Variants in ERBB4 observed in about 807,000 individuals in gnomAD.
The protein encoded by ERBB4 is erb-b2 receptor tyrosine kinase 4, also known as receptor tyrosine-protein kinase erbB-4.
ERBB4 carries 42 observed loss-of-function variants against 158.0 expected under a neutral mutation model. The ratio of observed to expected loss-of-function variants is 0.27; its 90% CI spans 0.21 to 0.34. The LOEUF (loss-of-function observed/expected upper bound fraction) is 0.34. Ranked by LOEUF, ERBB4 falls within the 10% of genes least tolerant of loss-of-function variation. The pLI is 1.00. For missense variants in ERBB4, 1,333 were observed against 1,624.1 expected, an observed-to-expected ratio of 0.82 and a Z score of 3.08; for synonymous variants, 583 against 558.7, an observed-to-expected ratio of 1.04 and a Z score of -0.61.
chr2:211,696,368 C>T (rs2106013732), intron 12 of ERBB4, among the ~76,000 whole-genome samples: 1 of 152,126 alleles, frequency 6.6e-6, no homozygotes, highest in Admixed American at 6.5e-5. Flanking sequence ...ACCTCGGCCT[C>T]CCAAAGTGCT....
intron 1 of ERBB4, among the ~76,000 whole-genome samples, chr2:212,161,016 T>A (rs929577518): frequency 6.6e-6 from 1 of 151,984 alleles, no homozygotes; most frequent in Non-Finnish European, 1.5e-5. Flanking sequence ...AAAATATGCA[T>A]CACTGAAAAG....
intron 1 of ERBB4, among the ~76,000 whole-genome samples, chr2:212,406,380 G>C (rs1441667180): frequency 6.6e-6 from 1 of 152,118 alleles, no homozygotes; most frequent in Non-Finnish European, 1.5e-5. Flanking sequence ...TATGACCACA[G>C]ATCTAGAACT....
At chr2:211,941,643 C>T (rs1357918674) in intron 3 of ERBB4, among the ~76,000 whole-genome samples, 1 of 151,540 alleles carries the variant, frequency 6.6e-6, no homozygotes, top group Non-Finnish European at 1.5e-5. Flanking sequence ...AAAGGCCAGC[C>T]TCAGGCTTCT....
At chr2:211,665,613 C>T (rs2071602322) in intron 14 of ERBB4, 136 bp from the exon 15 acceptor site, 4 of 815,082 alleles carry the variant, frequency 4.9e-6, no homozygotes, top group Non-Finnish European at 6.1e-6. Context: ...ACATTTTCAG[C>T]AGTGCAAATG....
intron 1 of ERBB4, among the ~76,000 whole-genome samples, chr2:212,288,967 G>C (rs2086105886): frequency 6.6e-6 from 1 of 152,112 alleles, no homozygotes; most frequent in African/African-American, 2.4e-5. Flanking sequence ...GAAGAGGATA[G>C]AGAGTGTGAA....
intron 3 of ERBB4, among the ~76,000 whole-genome samples, chr2:211,883,514 A>T (rs2078717526): frequency 6.6e-6 from 1 of 152,202 alleles, no homozygotes; most frequent in African/African-American, 2.4e-5. Flanking sequence ...ACGGTGGCTC[A>T]CACCTGTAAT....
intron 1 of ERBB4, among the ~76,000 whole-genome samples, chr2:212,408,580 C>T (rs930593947): frequency 1.3e-5 from 2 of 152,042 alleles, no homozygotes; most frequent in African/African-American, 4.8e-5. Flanking sequence ...GAGTTCAAAG[C>T]TGTAGTGAAC....
At chr2:212,166,216 C>A (rs1434121104) in intron 1 of ERBB4, among the ~76,000 whole-genome samples, 2 of 151,986 alleles carry the variant, frequency 1.3e-5, no homozygotes, top group African/African-American at 4.8e-5. Flanking sequence ...TCTGATCCAT[C>A]TTTGATATTA....
At chr2:211,721,092 G>A (rs570952119) in intron 7 of ERBB4, among the ~76,000 whole-genome samples, 1 of 152,114 alleles carries the variant, frequency 6.6e-6, no homozygotes, top group Admixed American at 6.5e-5. Flanking sequence ...GTCGAAAGGG[G>A]CTGAGAGTGT....
intron 3 of ERBB4, among the ~76,000 whole-genome samples, chr2:211,841,722 A>C (rs2077474277): frequency 6.6e-6 from 1 of 152,050 alleles, no homozygotes; most frequent in Admixed American, 6.6e-5. Context: ...CCTTAAATGA[A>C]ATATGGCTTC....
At chr2:211,993,709 A>G (rs1444970559) in intron 2 of ERBB4, among the ~76,000 whole-genome samples, 2 of 151,902 alleles carry the variant, frequency 1.3e-5, no homozygotes, top group African/African-American at 4.8e-5. Context: ...GCCCCCGGTT[A>G]TCTATTACAG....
chr2:211,462,792 T>G (rs1410030656), intron 20 of ERBB4, among the ~76,000 whole-genome samples: 1 of 152,224 alleles, frequency 6.6e-6, no homozygotes, highest in Admixed American at 6.5e-5. Flanking sequence ...ATGTTTTATT[T>G]TAGCCTATAT....
chr2:212,504,491 A>G (rs1691073811), intron 1 of ERBB4, among the ~76,000 whole-genome samples: 1 of 151,948 alleles, frequency 6.6e-6, no homozygotes. Context: ...AAAAGCCTAT[A>G]GAGAAATAGA....
chr2:212,042,148 A>C, intron 2 of ERBB4, among the ~76,000 whole-genome samples: 1 of 152,198 alleles, frequency 6.6e-6, no homozygotes, highest in Admixed American at 6.5e-5. Context: ...CAGTATGGGT[A>C]AGTGCTCAAA....
intron 1 of ERBB4, among the ~76,000 whole-genome samples, chr2:212,210,420 T>C (rs2082898274): frequency 6.6e-6 from 1 of 152,100 alleles, no homozygotes; most frequent in South Asian, 2.1e-4. Context: ...CCTATGACTC[T>C]TGAAATTTCC....
chr2:212,051,233 T>G (rs1227450235), intron 2 of ERBB4, among the ~76,000 whole-genome samples: 1 of 152,144 alleles, frequency 6.6e-6, no homozygotes, highest in Non-Finnish European at 1.5e-5. Flanking sequence ...GATTTCATAT[T>G]GACATACAAA....
chr2:212,400,276 C>T (rs1446912208), intron 1 of ERBB4, among the ~76,000 whole-genome samples: 1 of 152,086 alleles, frequency 6.6e-6, no homozygotes, highest in Non-Finnish European at 1.5e-5. Context: ...GGGAACAGGC[C>T]AAGAGGCTAC....
At chr2:211,828,215 T>G (rs925902295) in intron 3 of ERBB4, among the ~76,000 whole-genome samples, 4 of 152,194 alleles carry the variant, frequency 2.6e-5, no homozygotes, top group African/African-American at 4.8e-5. Flanking sequence ...TATCAGTATT[T>G]CCTCAATATC....
At chr2:212,402,697 C>A (rs2091242228) in intron 1 of ERBB4, among the ~76,000 whole-genome samples, 3 of 151,828 alleles carry the variant, frequency 2.0e-5, no homozygotes, top group African/African-American at 7.3e-5. Context: ...CAGTAATTTG[C>A]ATAAGTGGTA....
Sources: gnomAD v4.1 joint callset for allele counts (sites outside exome capture counted in the v4.1 genomes callset) on GRCh38, gnomAD v4.1.1 for gene constraint, MANE v1.5 for transcripts, NCBI Gene and HGNC (gene_info 2026-07-23, HGNC 2026-07-21) for gene names.